Variants in SLC1A6 observed in about 807,000 individuals in gnomAD.
SLC1A6 encodes solute carrier family 1 member 6.
A neutral mutation model predicts 42.1 loss-of-function variants in SLC1A6; 15 were observed. That is an observed-to-expected ratio of 0.36 (90% CI 0.24 to 0.55). The LOEUF (loss-of-function observed/expected upper bound fraction) is 0.55, where lower values mean the gene tolerates loss of function less well. Ranked by LOEUF, SLC1A6 falls within the 20% of genes least tolerant of loss-of-function variation. The pLI is 0.88. For synonymous variants in SLC1A6, 317 were observed against 319.7 expected (o/e 0.99, Z 0.09); for missense variants, 542 against 772.5 (o/e 0.70, Z 3.54).
intron 3 of SLC1A6, 58 bp from the exon 4 acceptor site, chr19:14,968,565 T>G (rs907635234): frequency 2.4e-5 from 34 of 1,408,096 alleles, no homozygotes; most frequent in Non-Finnish European, 3.2e-5. Context: ...CCAGCTCTCC[T>G]AGCATCCGTT....
chr19:14,984,727 A>T (rs925955738), upstream of SLC1A6, among the ~76,000 whole-genome samples: 6 of 152,254 alleles, frequency 3.9e-5, no homozygotes, highest in Non-Finnish European at 8.8e-5. Flanking sequence ...CTAGTTACAG[A>T]TCTGCTACAT....
intron 1 of SLC1A6, among the ~76,000 whole-genome samples, chr19:15,007,310 C>T (rs1298779838): frequency 1.3e-5 from 2 of 152,168 alleles, no homozygotes; most frequent in African/African-American, 2.4e-5. Context: ...TGTGAGACTC[C>T]ATTGACATGA....
intron 1 of SLC1A6, among the ~76,000 whole-genome samples, chr19:14,995,381 G>A: frequency 1.3e-5 from 2 of 149,890 alleles, no homozygotes; most frequent in Non-Finnish European, 1.5e-5. Context: ...GGAAGGGAAG[G>A]GAAGGGAAGG....
chr19:14,971,748 C>T lies in SLC1A6; in HGVS notation c.332G>A (p.Ser111Asn). ...CTGGGCTCTCTCACCTGTGACCAGG[C>T]TGGAGACAATGAGAGGTAACACCAG... ...QMLVLPLIVSSLVTGMASLDN... is the reference protein window; with the variant it reads ...QMLVLPLIVSNLVTGMASLDN... Residue 111 changes from serine to asparagine, a missense_variant, in exon 3 of 10, where the codon AGC (serine) becomes AAC (asparagine). Physicochemically the swap from Ser to Asn is conservative, Grantham distance 46. Transcript: ENST00000594383. The T allele has an allele frequency of 1.2e-6, 2 of 1,614,032 alleles. No individual in the cohort carries two copies. Among genetic ancestry groups the T allele is most frequent in the Non-Finnish European group, 1.7e-6 (2 of 1,179,998 alleles).
At chr19:14,979,871 G>A (rs2045755253), upstream of SLC1A6, 1 of 151,992 alleles carries the variant, frequency 6.6e-6, no homozygotes, top group Admixed American at 6.5e-5. The surrounding 1 kb of genome is among the most constrained non-coding windows in gnomAD (Gnocchi z 4.2). Context: ...GACTGGGGGT[G>A]GGCGGGGGTG....
intron 1 of SLC1A6, among the ~76,000 whole-genome samples, chr19:14,999,173 CG>C (rs2045861688): frequency 6.6e-6 from 1 of 152,064 alleles, no homozygotes; most frequent in African/African-American, 2.4e-5. Context: ...CCACCATGCC[CG>C]GCCAAGAAAC....
At chr19:14,968,220 C>A (rs1465477053) in intron 4 of SLC1A6, 83 bp downstream of exon 4, 1 of 1,155,452 alleles carries the variant, frequency 8.7e-7, no homozygotes, top group African/African-American at 1.5e-5. Context: ...TGTGGGATGA[C>A]CTCTTTGCAG....
intron 1 of SLC1A6, among the ~76,000 whole-genome samples, chr19:15,005,822 A>G (rs2045893563): frequency 6.6e-6 from 1 of 152,244 alleles, no homozygotes; most frequent in Admixed American, 6.5e-5. Context: ...CCAGAGAGCC[A>G]TGTGGAAGCC....
At chr19:14,975,887 A>AC (rs1215926561) in intron 1 of SLC1A6, among the ~76,000 whole-genome samples, 12 of 75,948 alleles carry the variant, frequency 1.6e-4, no homozygotes, top group East Asian at 1.6e-3. Context: ...AAGGGAAGGG[A>AC]AGGGAAGGAA....
intron 1 of SLC1A6, among the ~76,000 whole-genome samples, chr19:14,975,886 GAAGGGAAGGA>G (rs1200490608): frequency 9.4e-5 from 5 of 53,150 alleles, no homozygotes; most frequent in African/African-American, 1.9e-4. Flanking sequence ...GAAGGGAAGG[GAAGGGAAGGA>G]AAGGGAAGGG....
intron 1 of SLC1A6, among the ~76,000 whole-genome samples, chr19:15,006,339 C>T (rs2045895475): frequency 6.6e-6 from 1 of 152,062 alleles, no homozygotes; most frequent in East Asian, 1.9e-4. Context: ...GAATACAGAC[C>T]ATAATATCCT....
chr19:15,005,089 T>A (rs1424792172), intron 1 of SLC1A6, among the ~76,000 whole-genome samples: 4 of 151,960 alleles, frequency 2.6e-5, no homozygotes, highest in Non-Finnish European at 5.9e-5. Context: ...CAAGATCGTG[T>A]CTCTACAAAA....
At chr19:14,983,878 G>T (rs1600026840), upstream of SLC1A6, among the ~76,000 whole-genome samples, 1 of 152,042 alleles carries the variant, frequency 6.6e-6, no homozygotes, top group East Asian at 1.9e-4. Context: ...ATTAAATATG[G>T]AGTCTTTAAA....
In SLC1A6 at chr19:14,953,220, T is replaced by C. The variant is rs552386925; in HGVS notation, c.1365-158A>G. On this transcript the variant is annotated intron_variant, in intron 8 of 9. Coordinates refer to ENST00000594383, the MANE Select transcript of SLC1A6 (RefSeq NM_005071.3). ...AGAGAGAAAAATACTGCTTGATGCC[T>C]CGCCTCGCCTCGCCTCACCTCGATC... is the stretch of plus-strand genomic sequence containing the variant. Among the ~76,000 whole-genome samples, 74 of 151,302 alleles carry C rather than the reference T, an allele frequency of 4.9e-4. No homozygotes were observed. In the East Asian group the frequency reaches 5.5e-3, roughly 11 times the overall value.
intron 1 of SLC1A6, chr19:14,973,160 G>T: frequency 1.9e-6 from 1 of 515,478 alleles, no homozygotes; most frequent in Non-Finnish European, 3.4e-6. Flanking sequence ...TAAATATTTG[G>T]GAGGCTGAGG....
intron 1 of SLC1A6, among the ~76,000 whole-genome samples, chr19:15,002,330 C>T (rs762890354): frequency 6.6e-6 from 1 of 151,954 alleles, no homozygotes; most frequent in East Asian, 1.9e-4. Flanking sequence ...GAAACAGGGT[C>T]TTGCTATGTT....
intron 4 of SLC1A6, among the ~76,000 whole-genome samples, chr19:14,967,714 G>A (rs774043313): frequency 6.6e-6 from 1 of 152,098 alleles, no homozygotes; most frequent in South Asian, 2.1e-4. Flanking sequence ...TTTTCTCTAG[G>A]AGTTAAACAA....
At chr19:14,951,253 CAAA>C (rs1164185118) in intron 9 of SLC1A6, among the ~76,000 whole-genome samples, 5 of 86,820 alleles carry the variant, frequency 5.8e-5, no homozygotes, top group East Asian at 8.3e-4. Context: ...CTCTGTCTCA[CAAA>C]AAAAAAAAAA....
upstream of SLC1A6, among the ~76,000 whole-genome samples, chr19:14,983,525 C>T (rs891309596): frequency 1.3e-5 from 2 of 151,620 alleles, no homozygotes; most frequent in Admixed American, 6.6e-5. Context: ...CCCATCTCCA[C>T]AAAAAATTTT....
Sources: gnomAD v4.1 joint callset for allele counts (sites outside exome capture counted in the v4.1 genomes callset) on GRCh38, gnomAD v4.1.1 for gene constraint, Gnocchi (gnomAD v3.1) non-coding constraint, MANE v1.5 for transcripts, NCBI Gene and HGNC (gene_info 2026-07-23, HGNC 2026-07-21) for gene names.